Variants in HLCS observed in about 807,000 individuals in gnomAD.
The protein encoded by HLCS is holocarboxylase synthetase.
HLCS carries 53 observed loss-of-function variants against 75.0 expected under a neutral mutation model. The observed-to-expected ratio is 0.71, with a 90% CI of 0.57 to 0.89. The LOEUF (loss-of-function observed/expected upper bound fraction) is 0.89. HLCS is among the 40% of genes least tolerant of loss of function. The pLI is 0.00. For synonymous variants in HLCS, 431 were observed against 428.6 expected, an observed-to-expected ratio of 1.01 and a Z score of -0.07; for missense variants, 966 against 1,074.0, an observed-to-expected ratio of 0.90 and a Z score of 1.41.
chr21:36,779,596 T>G (rs2060466463), intron 6 of HLCS, among the ~76,000 whole-genome samples: 1 of 152,208 alleles, frequency 6.6e-6, no homozygotes. Context: ...CTGATCCATA[T>G]TACTGCGAAA....
intron 5 of HLCS, among the ~76,000 whole-genome samples, chr21:36,924,229 G>C (rs2066301445): frequency 6.6e-6 from 1 of 152,306 alleles, no homozygotes; most frequent in South Asian, 2.1e-4. Context: ...GGCAGGCAAA[G>C]ATTTTTTTTA....
chr21:36,970,788 C>T (rs1251647944), upstream of HLCS, among the ~76,000 whole-genome samples: 2 of 151,998 alleles, frequency 1.3e-5, no homozygotes, highest in African/African-American at 2.4e-5. Context: ...GTCAGGAGAT[C>T]GAGACCATCC....
intron 6 of HLCS, among the ~76,000 whole-genome samples, chr21:36,879,508 G>A (rs1394854369): frequency 2.0e-5 from 3 of 152,132 alleles, no homozygotes; most frequent in Admixed American, 6.5e-5. Flanking sequence ...TACCATTTGG[G>A]AAAAGATTAC....
chr21:36,778,490 G>T (rs2060433765), intron 6 of HLCS, among the ~76,000 whole-genome samples: 1 of 150,902 alleles, frequency 6.6e-6, no homozygotes, highest in Admixed American at 6.6e-5. Context: ...TGTTGACCAG[G>T]CTGGTCTCTA....
intron 6 of HLCS, among the ~76,000 whole-genome samples, chr21:36,852,837 T>A (rs2063060413): frequency 6.6e-6 from 1 of 152,122 alleles, no homozygotes; most frequent in African/African-American, 2.4e-5. Context: ...AGGACATCAC[T>A]TCCTCATCCC....
At chr21:36,823,093 C>T (rs949924251) in intron 6 of HLCS, among the ~76,000 whole-genome samples, 1 of 152,130 alleles carries the variant, frequency 6.6e-6, no homozygotes, top group Non-Finnish European at 1.5e-5. Context: ...TCTAAGACCC[C>T]GCTGATGGTA....
chr21:36,831,380 T>C (rs56196910), intron 6 of HLCS, among the ~76,000 whole-genome samples: 6,127 of 152,180 alleles, frequency 0.04, 200 homozygotes, highest in African/African-American at 0.088. Flanking sequence ...TGTCTCAGAA[T>C]ATAGAAATAA....
intron 6 of HLCS, among the ~76,000 whole-genome samples, chr21:36,888,416 C>T (rs1197618335): frequency 8.1e-6 from 1 of 122,932 alleles, no homozygotes; most frequent in African/African-American, 3.1e-5. Context: ...CAATGCGATC[C>T]TGCCCCCTTC....
At chr21:36,917,973 C>T (rs2066003806) in intron 5 of HLCS, among the ~76,000 whole-genome samples, 1 of 150,838 alleles carries the variant, frequency 6.6e-6, no homozygotes, top group Admixed American at 6.6e-5. Flanking sequence ...AAATGAAGTA[C>T]TCTCTTTCAA....
rs1264644949 is a variant in HLCS at position 36,880,481 on chromosome 21, G to A, written c.1892+16379C>T. On this transcript the variant is annotated intron_variant, in intron 6 of 10. Coordinates refer to ENST00000674895, the MANE Select transcript of HLCS (RefSeq NM_001352514.2). Reference sequence around the variant, plus strand: ...TCTAAGTTTCTTGTATTACCTCAATGGGCATCACAGAATGCAAAAAAAAAA... The same window carrying A: ...TCTAAGTTTCTTGTATTACCTCAATAGGCATCACAGAATGCAAAAAAAAAA... Among the ~76,000 whole-genome samples the A allele has an allele frequency of 2.0e-5, 3 of 152,030 alleles. No individual in the cohort carries two copies. The East Asian group carries it at 5.8e-4, about 29-fold the overall frequency.
intron 4 of HLCS, among the ~76,000 whole-genome samples, chr21:36,935,797 C>T (rs186883382): frequency 5.3e-5 from 8 of 152,336 alleles, no homozygotes; most frequent in Middle Eastern, 3.4e-3. Flanking sequence ...GGATCTCCTA[C>T]GCAAGAAAAA....
intron 1 of HLCS, among the ~76,000 whole-genome samples, chr21:36,978,865 C>T (rs1322654519): frequency 3.3e-5 from 5 of 152,190 alleles, no homozygotes; most frequent in Admixed American, 6.5e-5. Context: ...GCTAAAAGCT[C>T]CATGAGGGGC....
At chr21:36,884,477 T>C (rs1368219594) in intron 6 of HLCS, among the ~76,000 whole-genome samples, 1 of 152,244 alleles carries the variant, frequency 6.6e-6, no homozygotes, top group Non-Finnish European at 1.5e-5. Flanking sequence ...TCCAAGGTCA[T>C]GTCTTTGGCC....
At chr21:36,920,136 C>T (rs936044239) in intron 5 of HLCS, among the ~76,000 whole-genome samples, 1 of 151,914 alleles carries the variant, frequency 6.6e-6, no homozygotes, top group African/African-American at 2.4e-5. Context: ...AATTTGAGAC[C>T]AGTTTGGGCA....
chr21:36,965,863 G>A (rs1229161056), intron 1 of HLCS, among the ~76,000 whole-genome samples: 1 of 151,594 alleles, frequency 6.6e-6, no homozygotes, highest in South Asian at 2.1e-4. Flanking sequence ...TGACCCTCCC[G>A]CCTCACCCTC....
At chr21:36,853,097 T>C (rs976685191) in intron 6 of HLCS, among the ~76,000 whole-genome samples, 8 of 152,154 alleles carry the variant, frequency 5.3e-5, no homozygotes, top group South Asian at 2.1e-4. Flanking sequence ...ATGAATAGGA[T>C]TGAAAATGTC....
intron 6 of HLCS, among the ~76,000 whole-genome samples, chr21:36,834,373 G>A (rs1482613146): frequency 6.6e-6 from 1 of 152,210 alleles, no homozygotes; most frequent in Non-Finnish European, 1.5e-5. Context: ...CTGAGCACCA[G>A]CATGAGCATG....
chr21:36,793,295 C>CTTTTTTTTTTTTT (rs761549990), intron 6 of HLCS, among the ~76,000 whole-genome samples: 8,491 of 115,556 alleles, frequency 0.073, 873 homozygotes, highest in Non-Finnish European at 0.11. Flanking sequence ...AGGAAGCAGT[C>CTTTTTTTTTTTTT]TTTTTTTTTT....
At chr21:36,767,104 A>T in intron 7 of HLCS, 114 bp downstream of exon 7, 1 of 1,001,868 alleles carries the variant, frequency 1.0e-6, no homozygotes, top group Non-Finnish European at 1.6e-6. Flanking sequence ...AACAGAATCT[A>T]CTAACTTGAG....
Sources: gnomAD v4.1 joint callset for allele counts (sites outside exome capture counted in the v4.1 genomes callset) on GRCh38, gnomAD v4.1.1 for gene constraint, MANE v1.5 for transcripts, NCBI Gene and HGNC (gene_info 2026-07-23, HGNC 2026-07-21) for gene names.